ANKRD45: variants seen among roughly 807,000 people sequenced by gnomAD.
ANKRD45 encodes ankyrin repeat domain-containing protein 45.
A neutral mutation model predicts 28.1 loss-of-function variants in ANKRD45; 21 were observed. That is an observed-to-expected ratio of 0.75 (90% confidence interval 0.53 to 1.08). ANKRD45 has a LOEUF of 1.08. Ranked by LOEUF, ANKRD45 falls within the 50% of genes least tolerant of loss-of-function variation. The pLI, the probability that ANKRD45 is intolerant of heterozygous loss-of-function variation, is 0.00. For missense variants in ANKRD45, 261 were observed against 308.7 expected (o/e 0.85, Z 1.16); for synonymous variants, 86 against 103.9 (o/e 0.83, Z 1.05).
At chr1:173,651,111 T>G (rs1331106210) in intron 2 of ANKRD45, among the ~76,000 whole-genome samples, 1 of 152,226 alleles carries the variant, frequency 6.6e-6, no homozygotes, top group Non-Finnish European at 1.5e-5. Flanking sequence ...ATACTGTTTG[T>G]CGATTTGGGC....
intron 5 of ANKRD45, among the ~76,000 whole-genome samples, chr1:173,618,088 A>T (rs1324713926): frequency 6.6e-6 from 1 of 152,170 alleles, no homozygotes; most frequent in East Asian, 1.9e-4. Flanking sequence ...CACAAACAGA[A>T]AGCAACAGCA....
the ANKRD45 span, among the ~76,000 whole-genome samples, chr1:173,697,907 T>C: frequency 1.3e-5 from 2 of 151,552 alleles, no homozygotes; most frequent in Admixed American, 6.6e-5. Context: ...CAGTGTGCTG[T>C]ACTCAGGAGA....
At position 173,622,065 on chromosome 1, in the gene ANKRD45, A is replaced by G. The variant is rs184541627; in HGVS notation, c.730+2722T>C. Among the ~76,000 whole-genome samples the G allele has an allele frequency of 1.1e-3, 175 of 152,300 alleles. 1 individual carries two copies. Among genetic ancestry groups the G allele is most frequent in the African/African-American group, 4.1e-3 (171 of 41,578 alleles). ...ATGAAATCCACTTCACAATTGCTAC[A>G]AAAAGAATAAAATACATAAAAATAC... On this transcript the variant is annotated intron_variant, in intron 5 of 5. Coordinates refer to ENST00000333279, the MANE Select transcript of ANKRD45 (RefSeq NM_198493.3).
chr1:173,714,211 C>T, the ANKRD45 span, among the ~76,000 whole-genome samples: 1 of 152,140 alleles, frequency 6.6e-6, no homozygotes, highest in Non-Finnish European at 1.5e-5. Flanking sequence ...ACTTGTATCA[C>T]TTGTTTTCTA....
intron 3 of ANKRD45, 81 bp from the exon 4 acceptor site, chr1:173,627,240 G>C: frequency 2.3e-6 from 2 of 877,882 alleles, no homozygotes; most frequent in Non-Finnish European, 3.7e-6. Flanking sequence ...AGCCTCCACT[G>C]TCCACCCCAC....
At chr1:173,691,765 C>T in the ANKRD45 span, among the ~76,000 whole-genome samples, 10 of 152,002 alleles carry the variant, frequency 6.6e-5, no homozygotes, top group African/African-American at 1.2e-4. Context: ...CCAGCCTGGG[C>T]GACAGAGAGA....
chr1:173,671,356 C>A (rs907015776), upstream of ANKRD45, among the ~76,000 whole-genome samples: 1 of 152,128 alleles, frequency 6.6e-6, no homozygotes, highest in African/African-American at 2.4e-5. Context: ...CAAGGATACA[C>A]ATTAAGAGTC....
At chr1:173,660,032 TG>T in intron 1 of ANKRD45, among the ~76,000 whole-genome samples, 1 of 152,194 alleles carries the variant, frequency 6.6e-6, no homozygotes, top group Non-Finnish European at 1.5e-5. Context: ...AGAAATGCTA[TG>T]GGAGTTTAGA....
intron 1 of ANKRD45, among the ~76,000 whole-genome samples, chr1:173,663,047 C>G (rs894133634): frequency 2.2e-5 from 3 of 135,074 alleles, no homozygotes; most frequent in African/African-American, 6.8e-5. Context: ...CAACTCCCCA[C>G]CCTTCCAACA....
intron 5 of ANKRD45, chr1:173,612,851 C>T: frequency 5.9e-6 from 1 of 169,766 alleles, no homozygotes; most frequent in Non-Finnish European, 1.2e-5. Flanking sequence ...CCTCGGCCTC[C>T]TGAGGTGCCG....
chr1:173,624,944 A>C lies in ANKRD45; in HGVS notation c.592-19T>G. On this transcript the variant is annotated intron_variant, in intron 4 of 5. Transcript: ENST00000333279. ...TGGTATTCTAGGGACAGAAATACAGAGTTTGCTCTCCACTTATTTATTGAA... is the reference window on the plus strand; with the variant it reads ...TGGTATTCTAGGGACAGAAATACAGCGTTTGCTCTCCACTTATTTATTGAA... The C allele has an allele frequency of 1.3e-6, 2 of 1,597,226 alleles. No homozygotes were observed. Among genetic ancestry groups the C allele is most frequent in the Non-Finnish European group, 1.7e-6 (2 of 1,170,920 alleles).
At chr1:173,700,271 C>T in the ANKRD45 span, among the ~76,000 whole-genome samples, 1 of 152,168 alleles carries the variant, frequency 6.6e-6, no homozygotes, top group Admixed American at 6.5e-5. Flanking sequence ...GACTCAATGC[C>T]ATCCCCATCA....
chr1:173,627,255 C>T, intron 3 of ANKRD45, 96 bp from the exon 4 acceptor site: 1 of 750,832 alleles, frequency 1.3e-6, no homozygotes, highest in East Asian at 2.5e-5. Context: ...CCCCACCCCA[C>T]AGAAACACCA....
chr1:173,628,700 G>A (rs1222924219), intron 3 of ANKRD45, among the ~76,000 whole-genome samples: 1 of 152,194 alleles, frequency 6.6e-6, no homozygotes, highest in Non-Finnish European at 1.5e-5. Context: ...CCCAGAGCCT[G>A]GGGGAACTTG....
chr1:173,616,657 G>T (rs1206471977), intron 5 of ANKRD45, among the ~76,000 whole-genome samples: 2 of 152,108 alleles, frequency 1.3e-5, no homozygotes, highest in African/African-American at 4.8e-5. Context: ...TGATTCTTAG[G>T]ATAGTATTCC....
chr1:173,702,275 T>A, the ANKRD45 span, among the ~76,000 whole-genome samples: 152 of 152,308 alleles, frequency 1.0e-3, no homozygotes, highest in Middle Eastern at 6.8e-3. Flanking sequence ...ATCAGGATGA[T>A]GAATGCAGGC....
intron 2 of ANKRD45, among the ~76,000 whole-genome samples, chr1:173,652,536 G>C (rs1206128668): frequency 6.6e-6 from 1 of 152,252 alleles, no homozygotes; most frequent in Non-Finnish European, 1.5e-5. Flanking sequence ...ATGTTCATCA[G>C]GGATATTGGT....
At chr1:173,681,593 C>T in the ANKRD45 span, among the ~76,000 whole-genome samples, 1 of 152,104 alleles carries the variant, frequency 6.6e-6, no homozygotes, top group Non-Finnish European at 1.5e-5. Flanking sequence ...TTTGTTTTTC[C>T]TGTCTTTCTC....
chr1:173,656,166 A>G (rs1387195531), intron 2 of ANKRD45, among the ~76,000 whole-genome samples: 3 of 152,210 alleles, frequency 2.0e-5, no homozygotes, highest in Non-Finnish European at 4.4e-5. Flanking sequence ...GGAAATGCAG[A>G]AATCACCCGT....
Sources: allele counts gnomAD v4.1 joint callset (sites outside exome capture counted in the v4.1 genomes callset), GRCh38; gene constraint gnomAD v4.1.1; transcripts MANE v1.5; gene names NCBI Gene and HGNC (gene_info 2026-07-23, HGNC 2026-07-21).